Variants in FAM53A observed in about 807,000 individuals in gnomAD.
FAM53A encodes family with sequence similarity 53 member A, also known as protein FAM53A.
In FAM53A, 28 loss-of-function variants were observed where a neutral mutation model predicts 26.6. That is an observed-to-expected ratio of 1.05 (90% confidence interval 0.78 to 1.45). The LOEUF is 1.45. Ranked by LOEUF, FAM53A falls within the 40% of genes most tolerant of loss-of-function variation. FAM53A has a pLI of 0.00. For missense variants in FAM53A, 650 were observed against 575.8 expected (o/e 1.13, Z -1.32); for synonymous variants, 290 against 253.1 (o/e 1.15, Z -1.38).
the FAM53A span, among the ~76,000 whole-genome samples, chr4:1,602,686 C>G: frequency 6.6e-6 from 1 of 152,194 alleles, no homozygotes. Flanking sequence ...CCCCGCCAGG[C>G]AGGAGCTGCG....
At chr4:1,638,094 A>G (rs1051451652), downstream of FAM53A, among the ~76,000 whole-genome samples, 5 of 151,946 alleles carry the variant, frequency 3.3e-5, no homozygotes, top group African/African-American at 1.2e-4. Flanking sequence ...CAAGGGGCCA[A>G]GCATCCACAC....
chr4:1,624,448 G>A (rs1484627785), intron 1 of FAM53A, among the ~76,000 whole-genome samples: 1 of 152,192 alleles, frequency 6.6e-6, no homozygotes, highest in Non-Finnish European at 1.5e-5. Flanking sequence ...CAGTGCGGAG[G>A]CTGACGGGTC....
chr4:1,654,752 T>C (rs1290102870), intron 4 of FAM53A, among the ~76,000 whole-genome samples: 1 of 152,226 alleles, frequency 6.6e-6, no homozygotes, highest in African/African-American at 2.4e-5. Flanking sequence ...TGTGTGGGGC[T>C]CTGCCTCTGC....
chr4:1,605,909 C>G, the FAM53A span, among the ~76,000 whole-genome samples: 1 of 152,192 alleles, frequency 6.6e-6, no homozygotes, highest in African/African-American at 2.4e-5. This position sits in a 1 kb window ranked among gnomAD's most constrained non-coding sequence, Gnocchi z 5.7. Flanking sequence ...CCCTCGTTGT[C>G]CCGTTCCTGT....
the FAM53A span, among the ~76,000 whole-genome samples, chr4:1,598,007 C>T: frequency 1.3e-5 from 2 of 152,202 alleles, no homozygotes; most frequent in African/African-American, 4.8e-5. Context: ...AACTGAGGAC[C>T]TTGGCGGAAT....
intron 1 of FAM53A, among the ~76,000 whole-genome samples, chr4:1,673,488 C>T (rs531262338): frequency 7.9e-5 from 12 of 152,326 alleles, no homozygotes; most frequent in African/African-American, 2.9e-4. Context: ...AATCCCAGCA[C>T]CTTGGGAGGC....
intron 4 of FAM53A, among the ~76,000 whole-genome samples, chr4:1,653,268 C>T (rs1180638997): frequency 6.6e-6 from 1 of 152,186 alleles, no homozygotes; most frequent in Non-Finnish European, 1.5e-5. Flanking sequence ...CCTCTACCCA[C>T]ACCTCACACT....
downstream of FAM53A, among the ~76,000 whole-genome samples, chr4:1,617,229 A>C (rs1714843553): frequency 6.9e-6 from 1 of 144,168 alleles, no homozygotes; most frequent in Non-Finnish European, 1.5e-5. Context: ...CTCCATTTTA[A>C]CTTAACTTTA....
downstream of FAM53A, chr4:1,617,860 C>T: frequency 2.7e-6 from 1 of 366,572 alleles, no homozygotes; most frequent in South Asian, 2.0e-5. Context: ...CCTGCGCCCA[C>T]CCCTTGAAGG....
At chr4:1,672,759 CTTTTTTTTTTTTTTTTT>C (rs35045856) in intron 1 of FAM53A, among the ~76,000 whole-genome samples, 2 of 64,806 alleles carry the variant, frequency 3.1e-5, no homozygotes, top group South Asian at 8.8e-4. Flanking sequence ...CCTGAATTTC[CTTTTTTTTTTTTTTTTT>C]TTTTTTTTTT....
At chr4:1,576,562 G>A in the FAM53A span, among the ~76,000 whole-genome samples, 1 of 152,258 alleles carries the variant, frequency 6.6e-6, no homozygotes, top group Non-Finnish European at 1.5e-5. Context: ...CCAATGAAAG[G>A]AGATTGGAAA....
At chr4:1,609,512 A>G in the FAM53A span, among the ~76,000 whole-genome samples, 3 of 152,046 alleles carry the variant, frequency 2.0e-5, no homozygotes, top group Non-Finnish European at 4.4e-5. Flanking sequence ...TGTTCTCCTG[A>G]CAACAAGTGA....
intron 4 of FAM53A, among the ~76,000 whole-genome samples, chr4:1,651,435 G>C (rs1712770757): frequency 6.6e-6 from 1 of 151,928 alleles, no homozygotes; most frequent in South Asian, 2.1e-4. Context: ...GGGAGGCTGA[G>C]GCAGGAGAAT....
intron 1 of FAM53A, among the ~76,000 whole-genome samples, chr4:1,628,922 GGGGGCC>G: frequency 6.6e-6 from 1 of 151,932 alleles, no homozygotes; most frequent in Admixed American, 6.5e-5. Context: ...CCCAAGATAA[GGGGGCC>G]TTGGAACACC....
chr4:1,607,730 C>T, the FAM53A span, among the ~76,000 whole-genome samples: 4 of 152,226 alleles, frequency 2.6e-5, no homozygotes, highest in Admixed American at 2.0e-4. Context: ...CACCTGAGGT[C>T]GGGAGTTGGA....
At chr4:1,649,176 A>AGGGAAGGGGAAGGGGAAG (rs149269189) in intron 4 of FAM53A, among the ~76,000 whole-genome samples, 2 of 106,082 alleles carry the variant, frequency 1.9e-5, no homozygotes, top group Admixed American at 1.0e-4. Flanking sequence ...GGAAAGGGAA[A>AGGGAAGGGGAAGGGGAAG]GGGAAGGGGA....
At chr4:1,685,013 C>T (rs1577170191), upstream of FAM53A, among the ~76,000 whole-genome samples, 1 of 152,224 alleles carries the variant, frequency 6.6e-6, no homozygotes, top group East Asian at 1.9e-4. Context: ...GTGCCCCGCT[C>T]TCGGGGTCTC....
At chr4:1,614,378 G>GATGCAGAGACGTGAGGGGC (rs1560099312), downstream of FAM53A, among the ~76,000 whole-genome samples, 18 of 143,284 alleles carry the variant, frequency 1.3e-4, no homozygotes, top group East Asian at 6.1e-4. Context: ...ACGTGAGGGG[G>GATGCAGAGACGTGAGGGGC]ATGCAGAGAC....
At chr4:1,679,580 G>A (rs796970177) in intron 1 of FAM53A, among the ~76,000 whole-genome samples, 79 of 150,932 alleles carry the variant, frequency 5.2e-4, no homozygotes, top group African/African-American at 1.8e-3. Context: ...CAGCTACTCG[G>A]GAGGCTGAGG....
Sources: allele counts gnomAD v4.1 joint callset (sites outside exome capture counted in the v4.1 genomes callset), GRCh38; gene constraint gnomAD v4.1.1; non-coding constraint Gnocchi (gnomAD v3.1); transcripts MANE v1.5; gene names NCBI Gene and HGNC (gene_info 2026-07-23, HGNC 2026-07-21).